Variants in ARHGEF1 observed in about 807,000 individuals in gnomAD.
ARHGEF1 encodes 115 kDa guanine nucleotide exchange factor.
Under a neutral mutation model 119.7 loss-of-function variants are expected in ARHGEF1, and 40 were observed. That is an observed-to-expected ratio of 0.33 (90% CI 0.26 to 0.44). The LOEUF (loss-of-function observed/expected upper bound fraction) is 0.44, where lower values mean the gene tolerates loss of function less well. ARHGEF1 is among the 20% of genes least tolerant of loss of function. The pLI is 1.00. For missense variants in ARHGEF1, 976 were observed against 1,268.3 expected (o/e 0.77, Z 3.50); for synonymous variants, 494 against 521.0 (o/e 0.95, Z 0.71).
In ARHGEF1 at chr19:41,902,528, T is replaced by C. The variant is rs201196154; in HGVS notation, c.1498-5T>C. On this transcript the variant is annotated splice_polypyrimidine_tract_variant and splice_region_variant and intron_variant, in intron 16 of 28. Coordinates refer to ENST00000354532, the MANE Select transcript of ARHGEF1 (RefSeq NM_004706.4). This position sits in a 1 kb window ranked among gnomAD's most constrained non-coding sequence, Gnocchi z 6.5. The stretch of plus-strand genomic sequence containing the variant: ...GACACCTGCCTGGCCTGAATCTCGC[T>C]GTAGTTTGATGGTGCTGAGGGCTCC... 3.0e-5 allele frequency: 49 copies of C among 1,613,958 alleles called. No homozygotes were observed. In the Middle Eastern group the frequency reaches 4.9e-4, roughly 16 times the overall value.
chr19:41,886,580 C>T (rs1289587659), intron 1 of ARHGEF1, among the ~76,000 whole-genome samples: 2 of 152,182 alleles, frequency 1.3e-5, no homozygotes, highest in Non-Finnish European at 2.9e-5. Context: ...CTCACCTGGC[C>T]AGTTTGCAAA....
At chr19:41,914,921 C>T (rs112659350) in intron 18 of ARHGEF1, among the ~76,000 whole-genome samples, 9 of 110,450 alleles carry the variant, frequency 8.1e-5, no homozygotes, top group African/African-American at 2.5e-4. Flanking sequence ...TCCCCCTCCA[C>T]CATCTCCGTC....
chr19:41,922,730 G>A (rs782101636), upstream of ARHGEF1, among the ~76,000 whole-genome samples: 3 of 152,202 alleles, frequency 2.0e-5, no homozygotes, highest in Admixed American at 1.3e-4. Flanking sequence ...GGGTCCAGCC[G>A]GGCTGGGGGG....
At position 41,901,933 on chromosome 19, in the gene ARHGEF1, G is replaced by A; in HGVS notation, c.1314G>A (p.Leu438=). 1.9e-6 allele frequency: 3 copies of A among 1,613,520 alleles called. No individual in the cohort carries two copies. The highest frequency in any genetic ancestry group is 1.1e-5 in the South Asian group (1 of 91,076). Residue 438 remains leucine (L), a synonymous_variant, in exon 15 of 29, where the codon CTG becomes CTA. Transcript: ENST00000354532. The stretch of plus-strand genomic sequence containing the variant: ...CCCACGTGCGCATGCTGCGGGTGCT[G>A]CACGACCTCTTCTTCCAGCCCATGG... The part of the protein sequence containing the change: ...EAAHVRMLRV[L]HDLFFQPMAE...
At position 41,896,371 on chromosome 19, in the gene ARHGEF1, C is replaced by G; in HGVS notation, c.1016-6C>G. ...TCCAGCCAGCCCTGCTCCCTCCACC[C>G]CACAGGTGCTGACGCCCCCCTGGAG... On this transcript the variant is annotated splice_polypyrimidine_tract_variant and splice_region_variant and intron_variant, in intron 12 of 28. Transcript: ENST00000354532. 7.0e-7 allele frequency: 1 copy of G among 1,426,130 alleles called. No homozygotes were observed. The highest frequency in any genetic ancestry group is 9.2e-7 in the Non-Finnish European group (1 of 1,086,124). The allele number at this position is 1,426,130 out of a possible 1,614,324, so 88.3% of individuals were successfully genotyped here.
chr19:41,891,952 G>C lies in ARHGEF1; in HGVS notation c.226-73G>C, dbSNP rs1600650130. ...ATAGGATGGCCAGGAGGTGAGGAAGGCCCTTTTCAAAGGGAGAGTGTGGTT... is the reference window on the plus strand; with the variant it reads ...ATAGGATGGCCAGGAGGTGAGGAAGCCCCTTTTCAAAGGGAGAGTGTGGTT... On this transcript the variant is annotated intron_variant, in intron 4 of 28. Transcript: ENST00000354532. 4.6e-6 allele frequency: 6 copies of C among 1,306,286 alleles called. No individual in the cohort carries two copies. In the East Asian group the frequency reaches 9.6e-5, roughly 21 times the overall value. The allele number at this position is 1,306,286 out of a possible 1,614,324, so 80.9% of individuals were successfully genotyped here.
downstream of ARHGEF1, among the ~76,000 whole-genome samples, chr19:41,910,885 C>T (rs782571328): frequency 2.0e-5 from 3 of 152,178 alleles, no homozygotes; most frequent in Non-Finnish European, 2.9e-5. This position sits in a 1 kb window ranked among gnomAD's most constrained non-coding sequence, Gnocchi z 4.4. Context: ...GCGCAAGACT[C>T]AAGGTCACGT....
chr19:41,913,948 AC>A (rs1315899687), intron 18 of ARHGEF1, among the ~76,000 whole-genome samples: 1 of 136,908 alleles, frequency 7.3e-6, no homozygotes, highest in African/African-American at 2.8e-5. Flanking sequence ...CTTCCTGGAG[AC>A]CCCCCAGACG....
Position 41,892,113 on chromosome 19 carries a change from A to G in ARHGEF1, c.314A>G (p.Glu105Gly). 1 of 1,612,920 alleles carries G rather than the reference A, an allele frequency of 6.2e-7. No homozygotes were observed. The highest frequency in any genetic ancestry group is 8.5e-7 in the Non-Finnish European group (1 of 1,179,244). Residue 105 changes from glutamate to glycine, a missense_variant, in exon 5 of 29, where the codon GAG (glutamate) becomes GGG (glycine). Glu to Gly is a moderately conservative substitution (Grantham distance 98). Transcript: ENST00000354532. The surrounding 1 kb of genome is among the most constrained non-coding windows in gnomAD (Gnocchi z 6.3). ...CTGGACTTCTACCACAGCTTCCTGGAGAAGACAGCGGTGAGAGACCTTCAA... is the reference window on the plus strand; with the variant it reads ...CTGGACTTCTACCACAGCTTCCTGGGGAAGACAGCGGTGAGAGACCTTCAA... ...AFLDFYHSFL[E>G]KTAVLRVPVP...
At chr19:41,896,739 CCTT>C in intron 13 of ARHGEF1, 2 of 646,854 alleles carry the variant, frequency 3.1e-6, no homozygotes, top group Non-Finnish European at 5.7e-6. Flanking sequence ...TTTCACTAAT[CCTT>C]CTCCTCCTCC....
Position 41,904,464 on chromosome 19 carries a change from T to C in ARHGEF1, c.2161+81T>C. On this transcript the variant is annotated intron_variant, in intron 22 of 28. Transcript: ENST00000354532. The surrounding 1 kb of genome is among the most constrained non-coding windows in gnomAD (Gnocchi z 8.4). The stretch of plus-strand genomic sequence containing the variant: ...GCCTGTGGAGTGGGGAGCAGAACCC[T>C]CTAGAGAGCCAGGGAGCCAGCATTC... 7.0e-7 allele frequency: 1 copy of C among 1,425,912 alleles called. No homozygotes were observed. Among genetic ancestry groups the C allele is most frequent in the Non-Finnish European group, 9.3e-7 (1 of 1,080,360 alleles). The allele number at this position is 1,425,912 out of a possible 1,614,324, so 88.3% of individuals were successfully genotyped here.
downstream of ARHGEF1, chr19:41,910,187 T>C: frequency 7.9e-7 from 1 of 1,266,434 alleles, no homozygotes. This position sits in a 1 kb window ranked among gnomAD's most constrained non-coding sequence, Gnocchi z 4.4. Flanking sequence ...GGGAGGCATG[T>C]AGTTCTCCTC....
At chr19:41,884,409 C>T in intron 1 of ARHGEF1, 1 of 1,595,610 alleles carries the variant, frequency 6.3e-7, no homozygotes, top group South Asian at 1.1e-5. Flanking sequence ...AGCGACGCGG[C>T]GGCAGGGGTG....
intron 2 of ARHGEF1, chr19:41,929,118 A>ACG: frequency 3.3e-6 from 1 of 303,536 alleles, no homozygotes; most frequent in Non-Finnish European, 6.7e-6. Flanking sequence ...GTGGAAACAC[A>ACG]ACCGGTACAC....
rs569772424 is a variant in ARHGEF1, at chr19:41,893,166, C to A, written c.615-108C>A. On this transcript the variant is annotated intron_variant, in intron 7 of 28. Transcript: ENST00000354532. The stretch of plus-strand genomic sequence containing the variant: ...CCCTTCCACAGTGTCCCCTCTCTGT[C>A]TCTCTTCCCCCTGCCTATCCCAGGA... The A allele has an allele frequency of 5.7e-5, 83 of 1,462,382 alleles. No homozygotes were observed. In the African/African-American group the frequency reaches 1.0e-3, roughly 18 times the overall value. The allele number at this position is 1,462,382 out of a possible 1,614,324, so 90.6% of individuals were successfully genotyped here.
At position 41,905,429 on chromosome 19, in the gene ARHGEF1, A is replaced by G. The variant is rs1385989445; in HGVS notation, c.2336+168A>G. The G allele has an allele frequency of 7.6e-6, 5 of 654,348 alleles. No individual in the cohort carries two copies. Among genetic ancestry groups the G allele is most frequent in the African/African-American group, 5.6e-5 (3 of 53,602 alleles). The allele number at this position is 654,348 out of a possible 1,614,324, so 40.5% of individuals were successfully genotyped here. ...CGCAAGTATGTGACTGTGCGTGCAT[A>G]TATAGTGTGTGTATGCATGCATGTG... On this transcript the variant is annotated intron_variant, in intron 24 of 28. Coordinates refer to ENST00000354532, the MANE Select transcript of ARHGEF1 (RefSeq NM_004706.4). This position sits in a 1 kb window ranked among gnomAD's most constrained non-coding sequence, Gnocchi z 6.4.
Position 41,894,123 on chromosome 19 carries a change from A to AGTGTGTGAGT in ARHGEF1, c.645-77_645-76insAGTGTGTGTG, listed in dbSNP as rs1555846910. On this transcript the variant is annotated intron_variant, in intron 8 of 28. Transcript: ENST00000354532. ...TCTGCCTCTAGGGGGAGAGAGAGAG[A>AGTGTGTGAGT]GTGTGTGTGTGAGTGTGTGTGTGTG... The AGTGTGTGAGT allele has an allele frequency of 1.4e-5, 9 of 650,764 alleles. No homozygotes were observed. In the African/African-American group the frequency reaches 3.1e-4, roughly 22 times the overall value. The allele number at this position is 650,764 out of a possible 1,614,324, so 40.3% of individuals were successfully genotyped here. A position where few individuals can be genotyped will look rare whatever the true frequency, so the allele number is the denominator to read the frequency against.
chr19:41,896,670 C>T, intron 13 of ARHGEF1, 188 bp downstream of exon 13: 1 of 702,014 alleles, frequency 1.4e-6, no homozygotes, highest in Non-Finnish European at 2.6e-6. Context: ...CCTGCTTCCT[C>T]ATTGCCCCCC....
intron 13 of ARHGEF1, chr19:41,898,150 C>A: frequency 1.6e-5 from 22 of 1,401,760 alleles, no homozygotes; most frequent in Admixed American, 6.6e-5. Flanking sequence ...TCCACTAAGG[C>A]AGCCTGGAGA....
Sources: gnomAD v4.1 joint callset for allele counts (sites outside exome capture counted in the v4.1 genomes callset) on GRCh38, gnomAD v4.1.1 for gene constraint, Gnocchi (gnomAD v3.1) non-coding constraint, MANE v1.5 for transcripts, NCBI Gene and HGNC (gene_info 2026-07-23, HGNC 2026-07-21) for gene names.